Variants in RBFOX1 observed in about 807,000 individuals in gnomAD.
RBFOX1 encodes RNA binding protein fox-1 homolog 1.
RBFOX1 carries 8 observed loss-of-function variants against 57.7 expected under a neutral mutation model. The observed-to-expected ratio is 0.14, with a 90% CI of 0.08 to 0.25. The LOEUF (loss-of-function observed/expected upper bound fraction) is 0.25, where lower values mean the gene tolerates loss of function less well. RBFOX1 is among the 10% of genes least tolerant of loss of function. The probability of loss-of-function intolerance (pLI) is 1.00; values close to 1 mark genes in which losing one functional copy is unlikely to be tolerated. For missense variants in RBFOX1, 611 were observed against 548.5 expected (o/e 1.11, Z -1.14); for synonymous variants, 326 against 222.4 (o/e 1.47, Z -4.15).
chr16:5,364,011 C>G (rs1185845086), intron 1 of RBFOX1, among the ~76,000 whole-genome samples: 3 of 152,206 alleles, frequency 2.0e-5, no homozygotes, highest in Non-Finnish European at 4.4e-5. Context: ...GAAGGAAAAA[C>G]CAACCTAGAG....
At chr16:6,934,192 G>A (rs1015518739) in intron 3 of RBFOX1, among the ~76,000 whole-genome samples, 1 of 152,174 alleles carries the variant, frequency 6.6e-6, no homozygotes, top group Admixed American at 6.5e-5. Flanking sequence ...CCTAGCTGCA[G>A]TTCCTGGTCT....
chr16:6,422,578 T>C lies in RBFOX1; in HGVS notation c.-64+105521T>C, dbSNP rs571993314. 2.9e-3 allele frequency among the ~76,000 whole-genome samples: 446 copies of C among 152,280 alleles called. 2 individuals are homozygous for C. Among genetic ancestry groups the C allele is most frequent in the Non-Finnish European group, 4.6e-3 (311 of 68,028 alleles). On this transcript the variant is annotated intron_variant, in intron 2 of 15. Transcript: ENST00000550418. ...CAGGAAGCATAATGGATTCTGCTCC[T>C]GGGGATGCCTCAGGAAGCTTCCAAT... is the stretch of plus-strand genomic sequence containing the variant.
intron 4 of RBFOX1, among the ~76,000 whole-genome samples, chr16:7,321,247 C>A (rs939524438): frequency 1.3e-5 from 2 of 152,014 alleles, no homozygotes; most frequent in Non-Finnish European, 2.9e-5. Flanking sequence ...TGGGTTAAAG[C>A]GATTGTCCTG....
chr16:7,674,782 G>A (rs1009237730), intron 13 of RBFOX1, among the ~76,000 whole-genome samples: 1 of 152,122 alleles, frequency 6.6e-6, no homozygotes, highest in Non-Finnish European at 1.5e-5. Context: ...TAGTCAGTGT[G>A]GTTCATTTAG....
chr16:6,308,631 G>C (rs993841292), intron 1 of RBFOX1, among the ~76,000 whole-genome samples: 2 of 152,180 alleles, frequency 1.3e-5, no homozygotes, highest in African/African-American at 2.4e-5. Flanking sequence ...CTTGGAGCTA[G>C]GCTGAGCCAG....
At chr16:6,777,182 T>G (rs923996023) in intron 3 of RBFOX1, among the ~76,000 whole-genome samples, 1 of 152,152 alleles carries the variant, frequency 6.6e-6, no homozygotes, top group African/African-American at 2.4e-5. Context: ...TTTCTGAGCT[T>G]TAGAAAAGTG....
At chr16:6,024,762 G>A (rs1343067192) in intron 1 of RBFOX1, among the ~76,000 whole-genome samples, 1 of 152,188 alleles carries the variant, frequency 6.6e-6, no homozygotes, top group Non-Finnish European at 1.5e-5. Context: ...AGGATTACAG[G>A]CGTGAGCCAC....
intron 3 of RBFOX1, among the ~76,000 whole-genome samples, chr16:6,909,404 A>G (rs989232680): frequency 1.6e-4 from 25 of 152,250 alleles, no homozygotes; most frequent in Admixed American, 3.9e-4. Context: ...AAGATCCTTT[A>G]TTACATCTGC....
chr16:7,197,912 A>T (rs886174469), intron 4 of RBFOX1, among the ~76,000 whole-genome samples: 1 of 151,700 alleles, frequency 6.6e-6, no homozygotes, highest in African/African-American at 2.4e-5. Flanking sequence ...GGGAGCAGGA[A>T]TTGGGAGTGT....
chr16:6,687,767 G>T (rs563987674), intron 3 of RBFOX1, among the ~76,000 whole-genome samples: 3 of 152,284 alleles, frequency 2.0e-5, no homozygotes, highest in African/African-American at 7.2e-5. Flanking sequence ...GGTCAGCCCA[G>T]AGTGGTCACA....
At chr16:7,075,156 GT>G (rs1369679983) in intron 4 of RBFOX1, among the ~76,000 whole-genome samples, 4 of 152,212 alleles carry the variant, frequency 2.6e-5, no homozygotes, top group African/African-American at 9.6e-5. Context: ...CTACAGACAA[GT>G]TGGTTTTGTT....
intron 1 of RBFOX1, among the ~76,000 whole-genome samples, chr16:6,222,535 C>G (rs1017496734): frequency 6.6e-6 from 1 of 151,818 alleles, no homozygotes; most frequent in Non-Finnish European, 1.5e-5. Flanking sequence ...TAGCAACCAT[C>G]GGCTTCTAGA....
chr16:5,674,416 A>C (rs748180477), intron 3 of RBFOX1, among the ~76,000 whole-genome samples: 1 of 152,160 alleles, frequency 6.6e-6, no homozygotes, highest in Non-Finnish European at 1.5e-5. Context: ...AGGTAGGGGT[A>C]ACATGCCCGG....
intron 2 of RBFOX1, among the ~76,000 whole-genome samples, chr16:6,408,241 A>T (rs923950927): frequency 1.3e-5 from 2 of 152,114 alleles, no homozygotes; most frequent in African/African-American, 4.8e-5. Flanking sequence ...CCTAAAAGAA[A>T]AGCACTTTAT....
intron 1 of RBFOX1, among the ~76,000 whole-genome samples, chr16:6,111,384 A>G (rs2096444941): frequency 6.6e-6 from 1 of 152,210 alleles, no homozygotes; most frequent in South Asian, 2.1e-4. Context: ...AAGCCCTTCA[A>G]TAAGAAAATT....
intron 4 of RBFOX1, among the ~76,000 whole-genome samples, chr16:6,001,787 G>A (rs1304964373): frequency 3.3e-5 from 5 of 152,060 alleles, no homozygotes; most frequent in Non-Finnish European, 7.4e-5. Flanking sequence ...AGCCATGAGG[G>A]TGGTGCACAG....
intron 2 of RBFOX1, among the ~76,000 whole-genome samples, chr16:6,395,933 G>A: frequency 6.6e-6 from 1 of 151,660 alleles, no homozygotes; most frequent in Non-Finnish European, 1.5e-5. Flanking sequence ...GGTCATGGTG[G>A]CGTGCACCTG....
At chr16:6,951,682 G>C (rs762640741) in intron 3 of RBFOX1, among the ~76,000 whole-genome samples, 8 of 152,088 alleles carry the variant, frequency 5.3e-5, no homozygotes, top group South Asian at 2.1e-4. Flanking sequence ...GATTCAGTGA[G>C]TCACACACAA....
rs2094584255 is a variant in RBFOX1, at chr16:6,450,796, T to TAC, written c.-64+133740_-64+133741insCA. On this transcript the variant is annotated intron_variant, in intron 2 of 15. Coordinates refer to ENST00000550418, the MANE Select transcript of RBFOX1 (RefSeq NM_018723.4). ...ATATATATATATATATATACATATA[T>TAC]ATATGTATATATATATATATACATA... 4.4e-4 allele frequency among the ~76,000 whole-genome samples: 7 copies of TAC among 15,958 alleles called. 1 individual carries two copies. The highest frequency in any genetic ancestry group is 3.1e-3 in the African/African-American group (7 of 2,270). The allele number at this position is 15,958 out of a possible 152,430, so 10.5% of individuals were successfully genotyped here.
Sources: gnomAD v4.1 joint callset for allele counts (sites outside exome capture counted in the v4.1 genomes callset) on GRCh38, gnomAD v4.1.1 for gene constraint, MANE v1.5 for transcripts, NCBI Gene and HGNC (gene_info 2026-07-23, HGNC 2026-07-21) for gene names.